The following TENM2 variants were observed in gnomAD, a reference collection of about 807,000 sequenced individuals.
TENM2 encodes the protein teneurin transmembrane protein 2.
TENM2 carries 52 observed loss-of-function variants against 245.2 expected under a neutral mutation model. The ratio of observed to expected loss-of-function variants is 0.21; its 90% CI spans 0.17 to 0.27. TENM2 has a LOEUF of 0.27. Ranked by LOEUF, TENM2 falls within the 10% of genes least tolerant of loss-of-function variation. TENM2 has a pLI of 1.00. For synonymous variants in TENM2, 1,363 were observed against 1,438.9 expected, an observed-to-expected ratio of 0.95 and a Z score of 1.19; for missense variants, 3,046 against 3,666.8, an observed-to-expected ratio of 0.83 and a Z score of 4.37.
chr5:167,825,539 A>G (rs536900336), intron 2 of TENM2, among the ~76,000 whole-genome samples: 3 of 152,236 alleles, frequency 2.0e-5, no homozygotes, highest in South Asian at 2.1e-4. Flanking sequence ...CTCATCTGCT[A>G]CCATTTGACT....
intron 15 of TENM2, among the ~76,000 whole-genome samples, chr5:168,197,019 C>G (rs1375300845): frequency 6.6e-6 from 1 of 152,136 alleles, no homozygotes; most frequent in East Asian, 1.9e-4. Context: ...CTGAGGAATC[C>G]CACAATCTGT....
At chr5:167,170,696 C>G in the TENM2 span, among the ~76,000 whole-genome samples, 3 of 152,172 alleles carry the variant, frequency 2.0e-5, no homozygotes, top group Admixed American at 1.3e-4. Context: ...TCTTTAATCC[C>G]TCTTCGTTTT....
chr5:167,666,995 A>T lies in TENM2; in HGVS notation c.503-208991A>T, dbSNP rs962623117. The stretch of plus-strand genomic sequence containing the variant: ...ACTAGGACAATCCTAGGCAAACTTT[A>T]TGAGTTACCTTATACATTATAGCTC... On this transcript the variant is annotated intron_variant, in intron 2 of 28. Transcript: ENST00000518659. 7.2e-5 allele frequency among the ~76,000 whole-genome samples: 11 copies of T among 152,320 alleles called. No homozygotes were observed. In the East Asian group the frequency reaches 1.5e-3, roughly 21 times the overall value.
At chr5:167,387,732 T>C (rs967190760) in intron 2 of TENM2, among the ~76,000 whole-genome samples, 3 of 152,166 alleles carry the variant, frequency 2.0e-5, no homozygotes, top group African/African-American at 4.8e-5. Context: ...CATAAAGCGA[T>C]GCTGGGTTTT....
chr5:167,557,730 G>T (rs1773343749), intron 2 of TENM2, among the ~76,000 whole-genome samples: 1 of 151,194 alleles, frequency 6.6e-6, no homozygotes, highest in East Asian at 2.2e-4. Flanking sequence ...ATTCTTGATT[G>T]CCATGGCTTG....
At chr5:167,560,988 A>G (rs1474639584) in intron 2 of TENM2, among the ~76,000 whole-genome samples, 1 of 152,316 alleles carries the variant, frequency 6.6e-6, no homozygotes, top group Non-Finnish European at 1.5e-5. Context: ...GGACAGCCCC[A>G]CAACAAGCCA....
At chr5:168,227,795 C>A in intron 24 of TENM2, 100 bp from the exon 27 acceptor site, 1 of 743,424 alleles carries the variant, frequency 1.3e-6, no homozygotes, top group Non-Finnish European at 2.2e-6. Flanking sequence ...TGCAAAGTAC[C>A]ATGGAAACCT....
chr5:167,961,316 C>T (rs1780998047), intron 4 of TENM2, among the ~76,000 whole-genome samples: 1 of 152,192 alleles, frequency 6.6e-6, no homozygotes, highest in South Asian at 2.1e-4. Context: ...AGCTGACTGG[C>T]TGGCCAGGCT....
intron 5 of TENM2, among the ~76,000 whole-genome samples, chr5:167,995,341 A>G (rs1336684292): frequency 6.6e-6 from 1 of 152,266 alleles, no homozygotes; most frequent in Non-Finnish European, 1.5e-5. Context: ...TTCAATCTGC[A>G]GGCTGCTAGA....
intron 1 of TENM2, among the ~76,000 whole-genome samples, chr5:167,341,644 A>G (rs1180756892): frequency 6.6e-6 from 1 of 151,884 alleles, no homozygotes; most frequent in Non-Finnish European, 1.5e-5. Context: ...TCTGTATATT[A>G]TTGTTGAAGA....
the TENM2 span, among the ~76,000 whole-genome samples, chr5:167,201,489 G>T: frequency 1.3e-5 from 2 of 152,158 alleles, no homozygotes; most frequent in Admixed American, 1.3e-4. Flanking sequence ...AGATCTTCAA[G>T]AAATTAACTT....
At chr5:168,237,334 T>C (rs1305844892) in intron 25 of TENM2, among the ~76,000 whole-genome samples, 1 of 151,834 alleles carries the variant, frequency 6.6e-6, no homozygotes, top group Non-Finnish European at 1.5e-5. Flanking sequence ...TATTTTCTAT[T>C]CCTGATTTTC....
intron 27 of TENM2, among the ~76,000 whole-genome samples, chr5:168,253,395 A>G (rs185895071): frequency 3.6e-4 from 54 of 151,670 alleles, no homozygotes; most frequent in Non-Finnish European, 6.2e-4. Context: ...AAAAGCACAG[A>G]GCAAAAAAAG....
At chr5:167,851,433 T>C (rs2151211186) in intron 2 of TENM2, among the ~76,000 whole-genome samples, 1 of 152,276 alleles carries the variant, frequency 6.6e-6, no homozygotes, top group African/African-American at 2.4e-5. Flanking sequence ...TTTTTCACGG[T>C]TTCATGCACT....
chr5:167,757,910 T>C (rs1005239839), intron 2 of TENM2, among the ~76,000 whole-genome samples: 2 of 152,184 alleles, frequency 1.3e-5, no homozygotes, highest in African/African-American at 4.8e-5. Flanking sequence ...GTTGGAACAA[T>C]TTTAATATTC....
chr5:167,254,608 G>A, the TENM2 span, among the ~76,000 whole-genome samples: 1 of 152,190 alleles, frequency 6.6e-6, no homozygotes, highest in East Asian at 1.9e-4. Flanking sequence ...ATATTACCAA[G>A]AAAGGAGGAG....
intron 1 of TENM2, among the ~76,000 whole-genome samples, chr5:167,356,911 A>G (rs1311369143): frequency 6.6e-6 from 1 of 151,670 alleles, no homozygotes; most frequent in Non-Finnish European, 1.5e-5. Flanking sequence ...TTTGTATATT[A>G]AAACATTCTC....
intron 2 of TENM2, among the ~76,000 whole-genome samples, chr5:167,702,557 TATATATATATATATAC>T (rs1444655366): frequency 6.8e-6 from 1 of 147,444 alleles, no homozygotes; most frequent in Middle Eastern, 3.3e-3. Context: ...TGTGTGTATA[TATATATATATATATAC>T]ATATATATAT....
At chr5:168,262,280 G>A (rs1203043161) in exon 29 of TENM2, 4 of 1,608,840 alleles carry the variant, frequency 2.5e-6, no homozygotes, top group Non-Finnish European at 3.4e-6. Context: ...GGTGGCATCT[G>A]TGCTGAACAA....
Sources: gnomAD v4.1 joint callset for allele counts (sites outside exome capture counted in the v4.1 genomes callset) on GRCh38, gnomAD v4.1.1 for gene constraint, MANE v1.5 for transcripts, NCBI Gene and HGNC (gene_info 2026-07-23, HGNC 2026-07-21) for gene names.